The following PASD1 variants were observed in gnomAD, a reference collection of about 807,000 sequenced individuals.
PASD1 encodes the protein circadian clock protein PASD1.
Under a neutral mutation model 58.8 loss-of-function variants are expected in PASD1, and 13 were observed. That is an observed-to-expected ratio of 0.22 (90% CI 0.14 to 0.35). The LOEUF (loss-of-function observed/expected upper bound fraction) is 0.35, where lower values mean the gene tolerates loss of function less well. Ranked by LOEUF, PASD1 falls within the 10% of genes least tolerant of loss-of-function variation. PASD1 has a pLI of 1.00. For synonymous variants in PASD1, 236 were observed against 216.7 expected (o/e 1.09, Z -0.78); for missense variants, 734 against 568.3 (o/e 1.29, Z -2.96).
chrX:151,666,395 T>A (rs751158736), intron 11 of PASD1, among the ~76,000 whole-genome samples: 15 of 110,270 alleles, frequency 1.4e-4, no homozygotes, highest in East Asian at 8.6e-4. Flanking sequence ...CTTTTTTTTT[T>A]AATTATACTT....
At chrX:151,652,559 A>AAC (rs1461107356) in intron 9 of PASD1, among the ~76,000 whole-genome samples, 3 of 109,386 alleles carry the variant, frequency 2.7e-5, no homozygotes, top group African/African-American at 9.9e-5. Context: ...AAAAACAAAC[A>AAC]AACAAAAAAA....
intron 7 of PASD1, among the ~76,000 whole-genome samples, chrX:151,623,577 T>C (rs1162382010): frequency 1.8e-5 from 2 of 112,050 alleles, no homozygotes; most frequent in African/African-American, 6.5e-5. Context: ...GTAACATATA[T>C]AGTAAGTACC....
intron 3 of PASD1, among the ~76,000 whole-genome samples, chrX:151,606,328 A>G (rs2013488936): frequency 1.8e-5 from 2 of 112,025 alleles, no homozygotes; most frequent in Non-Finnish European, 3.8e-5. Context: ...TTCCAGTTTC[A>G]TTACAGCTTT....
chrX:151,673,056 C>T (rs924618921), intron 14 of PASD1: 11 of 147,006 alleles, frequency 7.5e-5, no homozygotes, highest in Admixed American at 4.5e-4. Context: ...CCCCAACTTT[C>T]CTGGAATCTG....
chrX:151,594,195 G>A (rs1033401138), intron 1 of PASD1, among the ~76,000 whole-genome samples: 1 of 110,554 alleles, frequency 9.0e-6, no homozygotes, highest in African/African-American at 3.3e-5. Flanking sequence ...GGATGGTCTC[G>A]ATCTCCTGAC....
chrX:151,576,437 C>T (rs1258755071), intron 1 of PASD1, among the ~76,000 whole-genome samples: 1 of 112,524 alleles, frequency 8.9e-6, no homozygotes, highest in East Asian at 2.8e-4. Context: ...GAATTGATTA[C>T]ATGTGAAATT....
intron 1 of PASD1, among the ~76,000 whole-genome samples, chrX:151,592,848 G>A (rs2013268698): frequency 8.9e-6 from 1 of 111,909 alleles, no homozygotes; most frequent in Admixed American, 9.5e-5. Flanking sequence ...CTGCCTGGAT[G>A]TGGTGTTCTG....
chrX:151,593,409 G>GCCA (rs2013276137), intron 1 of PASD1, among the ~76,000 whole-genome samples: 1 of 49,980 alleles, frequency 2.0e-5, no homozygotes, highest in African/African-American at 7.8e-5. Flanking sequence ...CCCCACCCCT[G>GCCA]ACAGGCCCCA....
At chrX:151,584,893 A>G (rs1387913743) in intron 1 of PASD1, among the ~76,000 whole-genome samples, 1 of 112,057 alleles carries the variant, frequency 8.9e-6, no homozygotes, top group Non-Finnish European at 1.9e-5. Flanking sequence ...ATATTCTGTC[A>G]CTGCACTTTG....
chrX:151,671,767 T>G lies in PASD1; in HGVS notation c.1425T>G (p.Val475=), dbSNP rs145547891. 1.0e-3 allele frequency: 1,238 copies of G among 1,204,570 alleles called. 2 individuals carry two copies. Among genetic ancestry groups the G allele is most frequent in the Non-Finnish European group, 1.2e-3 (1,090 of 889,882 alleles). ...CTGGGGAGCTTCAGGAGCCTTGTGTTGCCTTCAACCAGGTATGGAAAGGCT... is the reference window on the plus strand; with the variant it reads ...CTGGGGAGCTTCAGGAGCCTTGTGTGGCCTTCAACCAGGTATGGAAAGGCT... ...KNTGELQEPC[V]AFNQQQLVQQ... Residue 475 remains valine (V), a synonymous_variant, in exon 13 of 16, where the codon GTT becomes GTG. Coordinates refer to ENST00000370357, the MANE Select transcript of PASD1 (RefSeq NM_173493.3).
intron 1 of PASD1, among the ~76,000 whole-genome samples, chrX:151,571,430 T>C (rs1451702619): frequency 9.0e-6 from 1 of 111,695 alleles, no homozygotes; most frequent in Non-Finnish European, 1.9e-5. Context: ...CTTGGTGCTG[T>C]GTTTTCCCTC....
At chrX:151,639,043 T>G (rs750578378) in intron 8 of PASD1, among the ~76,000 whole-genome samples, 2 of 112,374 alleles carry the variant, frequency 1.8e-5, no homozygotes, top group African/African-American at 6.5e-5. Context: ...ACTGCTTTCA[T>G]GCCTACTTAT....
intron 9 of PASD1, among the ~76,000 whole-genome samples, chrX:151,656,308 T>C (rs774104903): frequency 1.7e-4 from 19 of 112,019 alleles, no homozygotes; most frequent in African/African-American, 6.2e-4. Context: ...AGCTTTGTTC[T>C]TTTGGCTTAG....
chrX:151,657,621 T>G (rs910629639), intron 9 of PASD1, among the ~76,000 whole-genome samples: 5 of 111,926 alleles, frequency 4.5e-5, no homozygotes, highest in Non-Finnish European at 9.4e-5. Flanking sequence ...TATCCATTTC[T>G]TCTACATTTT....
chrX:151,586,062 C>A (rs2013159571), intron 1 of PASD1, among the ~76,000 whole-genome samples: 1 of 111,429 alleles, frequency 9.0e-6, no homozygotes, highest in Non-Finnish European at 1.9e-5. Context: ...TGCTTTGGGG[C>A]TTCATGTACA....
chrX:151,625,627 T>C (rs1468980844), intron 8 of PASD1, 97 bp downstream of exon 8: 3 of 682,231 alleles, frequency 4.4e-6, no homozygotes, highest in Admixed American at 3.2e-5. Flanking sequence ...ATATTTTTTT[T>C]CCCATCAAAA....
At chrX:151,625,424 C>A (rs774183356) in intron 7 of PASD1, 24 bp from the exon 8 acceptor site, 2 of 1,149,169 alleles carry the variant, frequency 1.7e-6, no homozygotes, top group South Asian at 3.8e-5. Flanking sequence ...TATTAAATGT[C>A]TAAATATTTG....
chrX:151,664,060 T>G lies in PASD1; in HGVS notation c.842-59T>G. 8 of 1,196,795 alleles carry G rather than the reference T, an allele frequency of 6.7e-6. No individual in the cohort carries two copies. The South Asian group carries it at 1.4e-4, about 22-fold the overall frequency. ...TAAAATGACCCTCGTACAGTCTTTT[T>G]GATAACATTAGTACTTTTGCTTTTT... On this transcript the variant is annotated intron_variant, in intron 10 of 15. Transcript: ENST00000370357.
chrX:151,650,829 T>C (rs780854021), intron 9 of PASD1, among the ~76,000 whole-genome samples: 1 of 111,669 alleles, frequency 9.0e-6, no homozygotes, highest in African/African-American at 3.3e-5. Context: ...CTAGGCCACA[T>C]TGCAGAGAGG....
Sources: gnomAD v4.1 joint callset for allele counts (sites outside exome capture counted in the v4.1 genomes callset) on GRCh38, gnomAD v4.1.1 for gene constraint, MANE v1.5 for transcripts, NCBI Gene and HGNC (gene_info 2026-07-23, HGNC 2026-07-21) for gene names.